The following ZNF574 variants were observed in gnomAD, a reference collection of about 807,000 sequenced individuals.
ZNF574 encodes the protein zinc finger protein 574.
ZNF574 carries 25 observed loss-of-function variants against 56.6 expected under a neutral mutation model. The observed-to-expected ratio is 0.44, with a 90% CI of 0.32 to 0.62. The LOEUF (loss-of-function observed/expected upper bound fraction) is 0.62, where lower values mean the gene tolerates loss of function less well. Among genes scored for constraint, ZNF574 ranks in the 20% least tolerant of loss-of-function variants. The pLI, the probability that ZNF574 is intolerant of heterozygous loss-of-function variation, is 0.04. For missense variants in ZNF574, 1,065 were observed against 1,218.9 expected, an observed-to-expected ratio of 0.87 and a Z score of 1.88; for synonymous variants, 543 against 492.1, an observed-to-expected ratio of 1.10 and a Z score of -1.37.
upstream of ZNF574, among the ~76,000 whole-genome samples, chr19:42,073,742 G>A (rs1313667866): frequency 2.0e-5 from 3 of 148,582 alleles, no homozygotes; most frequent in Non-Finnish European, 4.5e-5. Flanking sequence ...GCTTGAGCCT[G>A]GGAGGCAGAG....
At chr19:42,072,015 C>CA (rs1320151521), upstream of ZNF574, among the ~76,000 whole-genome samples, 2 of 150,156 alleles carry the variant, frequency 1.3e-5, no homozygotes, top group Non-Finnish European at 3.0e-5. Context: ...AAAAAAAAAA[C>CA]AAAAAACAAA....
chr19:42,071,430 C>T (rs112445397), upstream of ZNF574, among the ~76,000 whole-genome samples: 369 of 152,244 alleles, frequency 2.4e-3, 5 homozygotes, highest in African/African-American at 8.3e-3. Context: ...CATATGTGAC[C>T]GCATGCCTCG....
upstream of ZNF574, among the ~76,000 whole-genome samples, chr19:42,075,627 T>C (rs1273624355): frequency 6.6e-6 from 1 of 152,144 alleles, no homozygotes; most frequent in Non-Finnish European, 1.5e-5. Context: ...CTGCATGCAG[T>C]TTGCCCTCTC....
upstream of ZNF574, among the ~76,000 whole-genome samples, chr19:42,074,426 G>A (rs1042862314): frequency 1.3e-5 from 2 of 151,724 alleles, no homozygotes; most frequent in Non-Finnish European, 2.9e-5. Flanking sequence ...CTGCACTCCA[G>A]CCTGGGCGGC....
Position 42,081,202 on chromosome 19 carries a change from G to A in ZNF574, c.2596G>A (p.Ala866Thr). 6.2e-7 allele frequency: 1 copy of A among 1,614,130 alleles called. No individual in the cohort carries two copies. Among genetic ancestry groups the A allele is most frequent in the Non-Finnish European group, 8.5e-7 (1 of 1,180,030 alleles). The change falls in exon 2 of 2, where the codon GCC becomes ACC. Residue 866 changes from alanine (A) to threonine (T), a missense_variant. Transcript: ENST00000359044. ...AGAGGCGGAGGCTGCCGTTGGCCTGGCCGTCATGGAGACTGCTGTGGAGGC... is the reference window on the plus strand; with the variant it reads ...AGAGGCGGAGGCTGCCGTTGGCCTGACCGTCATGGAGACTGCTGTGGAGGC... ...LAEAEAAVGL[A>T]VMETAVEALP... is the part of the protein sequence containing the mutation.
rs771249558 is a variant in ZNF574, at chr19:42,080,337, C to A, written c.1731C>A (p.Phe577Leu). 6.2e-7 allele frequency: 1 copy of A among 1,614,204 alleles called. No homozygotes were observed. Among genetic ancestry groups the A allele is most frequent in the Non-Finnish European group, 8.5e-7 (1 of 1,180,024 alleles). Residue 577 changes from phenylalanine (F) to leucine (L), a missense_variant, in exon 2 of 2, where the codon TTC becomes TTA. By Grantham distance (22) the Phe-to-Leu change is conservative. Transcript: ENST00000359044. The surrounding 1 kb of genome is among the most constrained non-coding windows in gnomAD (Gnocchi z 8.5). ...RQHRLVHAQH[F>L]PYRCQECGVR... Reference sequence around the variant, plus strand: ...ACCGCTTGGTGCATGCCCAGCACTTCCCCTACCGCTGCCAGGAATGTGGGG... The same window carrying A: ...ACCGCTTGGTGCATGCCCAGCACTTACCCTACCGCTGCCAGGAATGTGGGG...
At chr19:42,075,701 T>A (rs1383456288), upstream of ZNF574, among the ~76,000 whole-genome samples, 1 of 152,028 alleles carries the variant, frequency 6.6e-6, no homozygotes, top group Non-Finnish European at 1.5e-5. Context: ...AAGGTTCCCG[T>A]GCCTCCATTC....
upstream of ZNF574, among the ~76,000 whole-genome samples, chr19:42,071,707 A>G (rs2076424803): frequency 6.6e-6 from 1 of 152,172 alleles, no homozygotes; most frequent in Non-Finnish European, 1.5e-5. Context: ...ACCTCAACAC[A>G]GAACACCATC....
At chr19:42,077,316 C>T (rs2076462930) in intron 1 of ZNF574, among the ~76,000 whole-genome samples, 2 of 151,988 alleles carry the variant, frequency 1.3e-5, no homozygotes, top group African/African-American at 4.8e-5. Flanking sequence ...GTAAAAGGAG[C>T]TTAAGCCATT....
intron 1 of ZNF574, among the ~76,000 whole-genome samples, chr19:42,070,162 G>A (rs1032070154): frequency 9.2e-5 from 14 of 152,186 alleles, no homozygotes; most frequent in African/African-American, 2.4e-4. Flanking sequence ...CGAGGCCGCC[G>A]CCTGCCTGCC....
intron 1 of ZNF574, chr19:42,069,059 GAGA>G: frequency 2.1e-6 from 1 of 466,390 alleles, no homozygotes; most frequent in South Asian, 3.8e-5. Flanking sequence ...AAGAAGAGGT[GAGA>G]AGAGGTCGAG....
rs2076499280 is a variant in ZNF574, at chr19:42,081,253, A to G, written c.2647A>G (p.Ile883Val). 1.1e-5 allele frequency: 18 copies of G among 1,613,994 alleles called. No homozygotes were observed. Among genetic ancestry groups the G allele is most frequent in the Non-Finnish European group, 1.4e-5 (16 of 1,180,006 alleles). The change falls in exon 2 of 2, where the codon ATC becomes GTC. Residue 883 changes from isoleucine to valine, a missense_variant. By Grantham distance (29) the Ile-to-Val change is conservative (BLOSUM62 3). Coordinates refer to ENST00000359044, the MANE Select transcript of ZNF574 (RefSeq NM_022752.6). ...GCTACCCCTGGTGGAAGCCATTGAG[A>G]TCTACCCTCTGGCCGAGGCTGAGGG... ...EALPLVEAIEIYPLAEAEGVQ... is the reference protein window; with the variant it reads ...EALPLVEAIEVYPLAEAEGVQ...
upstream of ZNF574, among the ~76,000 whole-genome samples, chr19:42,071,302 T>C (rs1293675466): frequency 3.4e-5 from 1 of 29,482 alleles, no homozygotes; most frequent in East Asian, 1.2e-3. Context: ...GGGTGGGGGG[T>C]GAAATTTGGG....
At chr19:42,076,842 T>G (rs529998738) in intron 1 of ZNF574, among the ~76,000 whole-genome samples, 136 of 151,850 alleles carry the variant, frequency 9.0e-4, no homozygotes, top group African/African-American at 3.2e-3. Flanking sequence ...AGGGGTCCAG[T>G]TGTAATGGAT....
At position 42,079,233 on chromosome 19, in the gene ZNF574, G is replaced by A; in HGVS notation, c.627G>A (p.Val209=). Residue 209 remains valine, a synonymous_variant, in exon 2 of 2, where the codon GTG becomes GTA. Coordinates refer to ENST00000359044, the MANE Select transcript of ZNF574 (RefSeq NM_022752.6). The surrounding 1 kb of genome is among the most constrained non-coding windows in gnomAD (Gnocchi z 4.3). The part of the protein sequence containing the change: ...AATTTEVVTE[V]ELLLYKCSEC... The stretch of plus-strand genomic sequence containing the variant: ...CCACCACTGAGGTAGTGACTGAGGT[G>A]GAGCTGCTCCTCTACAAGTGCTCTG... The A allele has an allele frequency of 6.2e-7, 1 of 1,614,046 alleles. No individual in the cohort carries two copies. Among genetic ancestry groups the A allele is most frequent in the South Asian group, 1.1e-5 (1 of 91,090 alleles).
Position 42,078,699 on chromosome 19 carries a change from G to A in ZNF574, c.93G>A (p.Val31=), listed in dbSNP as rs999909077. ...AGCTGTATGGATCACTGGAAGAGGT[G>A]CTTATGCACCAAAACTCCCACGTGC... The part of the protein sequence containing the change: ...CNQLYGSLEE[V]LMHQNSHVPQ... The change falls in exon 2 of 2, where the codon GTG becomes GTA. Residue 31 remains valine (V), a synonymous_variant. Transcript: ENST00000359044. 1 of 1,614,072 alleles carries A rather than the reference G, an allele frequency of 6.2e-7. No homozygotes were observed. Among genetic ancestry groups the A allele is most frequent in the Admixed American group, 1.7e-5 (1 of 60,014 alleles).
In ZNF574 at chr19:42,078,747, G is replaced by C. The variant is rs753130288; in HGVS notation, c.141G>C (p.Val47=). Reference sequence around the variant, plus strand: ...TGCCCCAGCAGCACTTTGAGCTGGTGGGCGTGGCTGATCCCGGAGTCACTG... The same window carrying C: ...TGCCCCAGCAGCACTTTGAGCTGGTCGGCGTGGCTGATCCCGGAGTCACTG... ...SHVPQQHFEL[V]GVADPGVTVA... Residue 47 remains valine (V), a synonymous_variant, in exon 2 of 2, where the codon GTG becomes GTC. Transcript: ENST00000359044. 2.5e-6 allele frequency: 4 copies of C among 1,614,084 alleles called. No individual in the cohort carries two copies.
rs568301609 is a variant in ZNF574, at chr19:42,080,787, A to G, written c.2181A>G (p.Ala727=). 3.7e-6 allele frequency: 6 copies of G among 1,614,022 alleles called. No homozygotes were observed. The highest frequency in any genetic ancestry group is 4.2e-6 in the Non-Finnish European group (5 of 1,180,022). ...CAGCCCTTGGAAGCACTGCTACAGC[A>G]TCCCCTGCGGCCCCTGCCCGCCGCC... ...SPAALGSTAT[A]SPAAPARRRG... is the part of the protein sequence containing the mutation. The change falls in exon 2 of 2, where the codon GCA becomes GCG. Residue 727 remains alanine (A), a synonymous_variant. Coordinates refer to ENST00000359044, the MANE Select transcript of ZNF574 (RefSeq NM_022752.6). The surrounding 1 kb of genome is among the most constrained non-coding windows in gnomAD (Gnocchi z 8.5).
upstream of ZNF574, chr19:42,075,345 C>G (rs183063003): frequency 6.6e-6 from 1 of 152,508 alleles, no homozygotes; most frequent in East Asian, 1.9e-4. Context: ...GGAGTCCGCC[C>G]GTTACCGGCT....
Sources: gnomAD v4.1 joint callset for allele counts (sites outside exome capture counted in the v4.1 genomes callset) on GRCh38, gnomAD v4.1.1 for gene constraint, Gnocchi (gnomAD v3.1) non-coding constraint, MANE v1.5 for transcripts, NCBI Gene and HGNC (gene_info 2026-07-23, HGNC 2026-07-21) for gene names.